PDE4B: variants seen among roughly 807,000 people sequenced by gnomAD.
The protein encoded by PDE4B is phosphodiesterase 4B.
A neutral mutation model predicts 82.2 loss-of-function variants in PDE4B; 20 were observed. That is an observed-to-expected ratio of 0.24 (90% confidence interval 0.17 to 0.35). PDE4B has a LOEUF of 0.35. PDE4B is among the 10% of genes least tolerant of loss of function. PDE4B has a pLI of 1.00. For synonymous variants in PDE4B, 320 were observed against 318.9 expected (o/e 1.00, Z -0.04); for missense variants, 655 against 907.2 (o/e 0.72, Z 3.57).
At chr1:66,169,876 A>G (rs1646806273) in intron 3 of PDE4B, among the ~76,000 whole-genome samples, 2 of 152,200 alleles carry the variant, frequency 1.3e-5, no homozygotes, top group Non-Finnish European at 2.9e-5. Context: ...TATCATTCAG[A>G]TTTGGCTACA....
intron 7 of PDE4B, among the ~76,000 whole-genome samples, chr1:66,318,846 CAG>C (rs1157440526): frequency 1.3e-5 from 2 of 152,082 alleles, no homozygotes; most frequent in African/African-American, 4.8e-5. Context: ...CACATCTGAC[CAG>C]AGACTAGCCA....
intron 1 of PDE4B, among the ~76,000 whole-genome samples, chr1:65,798,763 A>G (rs907839388): frequency 1.4e-4 from 21 of 152,242 alleles, no homozygotes; most frequent in Non-Finnish European, 3.1e-4. Context: ...GTGTGGAGAC[A>G]TAGTTTAAAC....
Position 65,828,516 on chromosome 1 carries a change from G to A in PDE4B, c.-71+35268G>A, listed in dbSNP as rs956937603. Among the ~76,000 whole-genome samples, 3 of 152,248 alleles carry A rather than the reference G, an allele frequency of 2.0e-5. No individual in the cohort carries two copies. The East Asian group carries it at 5.8e-4, about 29-fold the overall frequency. On this transcript the variant is annotated intron_variant, in intron 1 of 16. Coordinates refer to ENST00000341517, the MANE Select transcript of PDE4B (RefSeq NM_002600.4). ...CTGCCTTGGCCTCTGAAAGTGCTGG[G>A]ATTACAGGGGTGAGCCACTGCACCT...
intron 3 of PDE4B, among the ~76,000 whole-genome samples, chr1:66,086,053 A>G (rs911322823): frequency 6.6e-6 from 1 of 152,102 alleles, no homozygotes; most frequent in Non-Finnish European, 1.5e-5. Context: ...ATGCAATCCC[A>G]CTGCTAATTC....
At chr1:66,112,263 G>A (rs1645504345) in intron 3 of PDE4B, among the ~76,000 whole-genome samples, 1 of 152,000 alleles carries the variant, frequency 6.6e-6, no homozygotes, top group Non-Finnish European at 1.5e-5. Flanking sequence ...CAAATTTAAT[G>A]TTCTTGTATT....
At chr1:66,047,549 A>G (rs1165193366) in intron 3 of PDE4B, among the ~76,000 whole-genome samples, 2 of 151,922 alleles carry the variant, frequency 1.3e-5, no homozygotes, top group Non-Finnish European at 2.9e-5. Context: ...TGTGTTCCAT[A>G]TGGATGTTCT....
At chr1:65,996,224 T>A (rs1335994375) in intron 3 of PDE4B, among the ~76,000 whole-genome samples, 1 of 152,148 alleles carries the variant, frequency 6.6e-6, no homozygotes, top group Non-Finnish European at 1.5e-5. Flanking sequence ...TCTGCCCTAC[T>A]TTTAAGACTC....
chr1:65,835,337 G>A (rs543259888), intron 1 of PDE4B, among the ~76,000 whole-genome samples: 39 of 152,214 alleles, frequency 2.6e-4, no homozygotes, highest in Non-Finnish European at 4.9e-4. Flanking sequence ...CCATTCACAA[G>A]TTTCTGAAGA....
At chr1:65,854,668 T>C (rs72685041) in intron 1 of PDE4B, among the ~76,000 whole-genome samples, 1,642 of 152,218 alleles carry the variant, frequency 0.011, 14 homozygotes, top group Non-Finnish European at 0.017. Flanking sequence ...AATTTAAATA[T>C]GAAGTGTGTG....
intron 1 of PDE4B, among the ~76,000 whole-genome samples, chr1:65,861,140 G>A (rs1477561604): frequency 1.3e-5 from 2 of 152,030 alleles, no homozygotes; most frequent in Non-Finnish European, 2.9e-5. Context: ...GGTCCTGAAC[G>A]GTATTGCCTA....
At chr1:66,163,512 T>C (rs1570374496) in intron 3 of PDE4B, among the ~76,000 whole-genome samples, 1 of 152,280 alleles carries the variant, frequency 6.6e-6, no homozygotes, top group Middle Eastern at 3.4e-3. Flanking sequence ...GTATCTCTTA[T>C]GATTTCTAAG....
intron 3 of PDE4B, among the ~76,000 whole-genome samples, chr1:66,022,559 G>A (rs1653192062): frequency 6.6e-6 from 1 of 152,164 alleles, no homozygotes; most frequent in Admixed American, 6.6e-5. Flanking sequence ...CATCTATTGT[G>A]ATAATCATGT....
intron 1 of PDE4B, among the ~76,000 whole-genome samples, chr1:65,876,488 T>C (rs1275119857): frequency 6.6e-6 from 1 of 152,074 alleles, no homozygotes; most frequent in African/African-American, 2.4e-5. Context: ...TTAAATTTGT[T>C]AAATTAGAAA....
At chr1:66,360,480 C>T (rs1387175309) in intron 9 of PDE4B, 2 of 152,218 alleles carry the variant, frequency 1.3e-5, no homozygotes, top group Non-Finnish European at 2.9e-5. Context: ...CATCTGGGAG[C>T]ATGTCATTTT....
chr1:66,236,469 C>T (rs941940840), intron 3 of PDE4B, among the ~76,000 whole-genome samples: 3 of 151,996 alleles, frequency 2.0e-5, no homozygotes, highest in Non-Finnish European at 4.4e-5. Flanking sequence ...ACCAGATTTC[C>T]ATCTGGTATC....
At chr1:65,954,221 C>T (rs867976331) in intron 3 of PDE4B, among the ~76,000 whole-genome samples, 3 of 151,974 alleles carry the variant, frequency 2.0e-5, no homozygotes, top group Non-Finnish European at 2.9e-5. Flanking sequence ...TATCTCATAA[C>T]ACTTATTTTT....
At position 66,088,954 on chromosome 1, in the gene PDE4B, G is replaced by C. The variant is rs115131313; in HGVS notation, c.282-158506G>C. On this transcript the variant is annotated intron_variant, in intron 3 of 16. Coordinates refer to ENST00000341517, the MANE Select transcript of PDE4B (RefSeq NM_002600.4). ...TACCAACAAGGGTTCCGAAGTGACT[G>C]TATTGAGCAGAGTTCTCCATATGAC... 2.4e-3 allele frequency among the ~76,000 whole-genome samples: 369 copies of C among 152,212 alleles called. 2 individuals carry two copies. Among genetic ancestry groups the C allele is most frequent in the African/African-American group, 8.4e-3 (347 of 41,556 alleles).
chr1:66,247,672 C>G lies in PDE4B; in HGVS notation c.476+18C>G. The G allele has an allele frequency of 3.3e-6, 5 of 1,530,612 alleles. No homozygotes were observed. Among genetic ancestry groups the G allele is most frequent in the Non-Finnish European group, 4.4e-6 (5 of 1,135,234 alleles). 94.8% of individuals were successfully genotyped at this position (1,530,612 alleles called of 1,614,324 possible). On this transcript the variant is annotated intron_variant, in intron 4 of 16. Transcript: ENST00000341517. ...AGCGAGCAGTAAGTACAAGCTCTGT[C>G]TGGCTTCCAGTTTCACATTTACCTC...
intron 3 of PDE4B, among the ~76,000 whole-genome samples, chr1:66,025,911 G>A (rs1009473834): frequency 2.0e-5 from 3 of 152,188 alleles, no homozygotes; most frequent in African/African-American, 7.2e-5. Flanking sequence ...AAGATGGCAA[G>A]TCCATTTTCA....
Sources: allele counts gnomAD v4.1 joint callset (sites outside exome capture counted in the v4.1 genomes callset), GRCh38; gene constraint gnomAD v4.1.1; transcripts MANE v1.5; gene names NCBI Gene and HGNC (gene_info 2026-07-23, HGNC 2026-07-21).